CLVS1: variants seen among roughly 807,000 people sequenced by gnomAD.
The protein encoded by CLVS1 is clavesin-1.
Under a neutral mutation model 33.1 loss-of-function variants are expected in CLVS1, and 10 were observed. That is an observed-to-expected ratio of 0.30 (90% CI 0.19 to 0.51). CLVS1 has a LOEUF of 0.51. Ranked by LOEUF, CLVS1 falls within the 20% of genes least tolerant of loss-of-function variation. CLVS1 has a pLI of 0.97. For synonymous variants in CLVS1, 163 were observed against 166.1 expected, an observed-to-expected ratio of 0.98 and a Z score of 0.14; for missense variants, 343 against 433.4, an observed-to-expected ratio of 0.79 and a Z score of 1.85.
chr8:61,006,439 G>A, the CLVS1 span, among the ~76,000 whole-genome samples: 2 of 152,142 alleles, frequency 1.3e-5, no homozygotes, highest in African/African-American at 4.8e-5. Context: ...GCCCGAGGAG[G>A]AGGGAAGCAG....
the CLVS1 span, among the ~76,000 whole-genome samples, chr8:60,994,821 A>T: frequency 6.6e-6 from 1 of 152,174 alleles, no homozygotes. Context: ...AGAGATATAG[A>T]TCAATGGAAC....
chr8:61,482,551 C>A (rs151032499), intron 5 of CLVS1, among the ~76,000 whole-genome samples: 19 of 152,152 alleles, frequency 1.2e-4, no homozygotes, highest in Admixed American at 1.1e-3. Flanking sequence ...AAGAACTACA[C>A]GACACATGCA....
At chr8:61,108,925 G>A (rs965302518) in intron 1 of CLVS1, among the ~76,000 whole-genome samples, 1 of 152,242 alleles carries the variant, frequency 6.6e-6, no homozygotes, top group African/African-American at 2.4e-5. Flanking sequence ...CAGGACAACA[G>A]CTTTCCCTGC....
rs182263536 is a variant in CLVS1, at chr8:61,315,876, C to T, written c.455+15594C>T. ...GTATTTCTCCTAATGCTATCCCTCC[C>T]CTAGCCCCCAACTCCCCAATAGGCC... On this transcript the variant is annotated intron_variant, in intron 2 of 5. Coordinates refer to ENST00000325897, the MANE Select transcript of CLVS1 (RefSeq NM_173519.3). 6.8e-4 allele frequency among the ~76,000 whole-genome samples: 104 copies of T among 152,258 alleles called. 1 individual carries two copies. The highest frequency in any genetic ancestry group is 1.5e-3 in the Admixed American group (23 of 15,290).
chr8:61,325,783 T>C (rs916036487), intron 2 of CLVS1, among the ~76,000 whole-genome samples: 2 of 152,138 alleles, frequency 1.3e-5, no homozygotes, highest in Non-Finnish European at 2.9e-5. Context: ...AAACTGACTA[T>C]ATGAAAGAGT....
chr8:61,366,053 G>A (rs1813198402), intron 2 of CLVS1, among the ~76,000 whole-genome samples: 1 of 152,166 alleles, frequency 6.6e-6, no homozygotes, highest in African/African-American at 2.4e-5. Context: ...GAATAGACAA[G>A]CATGAAATTA....
At chr8:61,467,274 G>T (rs903863187) in intron 5 of CLVS1, among the ~76,000 whole-genome samples, 2 of 152,228 alleles carry the variant, frequency 1.3e-5, no homozygotes, top group Admixed American at 6.5e-5. Context: ...AAGTGATGGC[G>T]GGTGCCCTTG....
At position 61,500,864 on chromosome 8, in the gene CLVS1, A is replaced by ATAAT. The variant is rs767643456; in HGVS notation, c.*1324_*1327dup. On this transcript the variant is annotated 3_prime_UTR_variant, in exon 6 of 6. Transcript: ENST00000325897. ...TTGGGAGAGTTAATTTGTTAGCTAA[A>ATAAT]TAATTCAAGGGAAAGAGATTATTCA... The ATAAT allele has an allele frequency of 7.2e-5, 11 of 152,214 alleles. No individual in the cohort carries two copies. Among genetic ancestry groups the ATAAT allele is most frequent in the Non-Finnish European group, 1.3e-4 (9 of 68,032 alleles). The allele number at this position is 152,214 out of a possible 1,614,324, so 9.4% of individuals were successfully genotyped here. A position where few individuals can be genotyped will look rare whatever the true frequency, so the allele number is the denominator to read the frequency against.
intron 2 of CLVS1, among the ~76,000 whole-genome samples, chr8:61,312,764 C>G: frequency 6.6e-6 from 1 of 152,202 alleles, no homozygotes. Context: ...TATTTAATCT[C>G]GACAAAATCG....
At chr8:61,118,830 G>A (rs1039142088) in intron 1 of CLVS1, among the ~76,000 whole-genome samples, 6 of 152,142 alleles carry the variant, frequency 3.9e-5, no homozygotes, top group African/African-American at 1.2e-4. Context: ...GTGTGGTGCT[G>A]AAAAAAATGT....
intron 5 of CLVS1, among the ~76,000 whole-genome samples, chr8:61,475,973 A>G (rs1339932959): frequency 2.0e-5 from 3 of 152,142 alleles, no homozygotes; most frequent in Non-Finnish European, 4.4e-5. Flanking sequence ...TAATTTTTGT[A>G]TAAGGTGTAA....
chr8:61,157,443 A>T (rs1305493384), intron 2 of CLVS1, among the ~76,000 whole-genome samples: 1 of 152,214 alleles, frequency 6.6e-6, no homozygotes, highest in South Asian at 2.1e-4. Context: ...AGCTACTGGA[A>T]TAAAATATAG....
chr8:61,066,626 G>A (rs1804685946), intron 1 of CLVS1, among the ~76,000 whole-genome samples: 1 of 152,124 alleles, frequency 6.6e-6, no homozygotes, highest in Admixed American at 6.5e-5. Flanking sequence ...CAGTCCCTGG[G>A]GCATGAGCAT....
chr8:61,220,049 A>G (rs932654683), intron 2 of CLVS1, among the ~76,000 whole-genome samples: 1 of 151,814 alleles, frequency 6.6e-6, no homozygotes, highest in Non-Finnish European at 1.5e-5. Flanking sequence ...TGGATATTAG[A>G]CCTTTGTCAG....
the CLVS1 span, among the ~76,000 whole-genome samples, chr8:61,003,089 T>C: frequency 6.6e-6 from 1 of 152,160 alleles, no homozygotes; most frequent in African/African-American, 2.4e-5. Context: ...GAGAGCGGTT[T>C]CTGAGAAAAT....
chr8:60,985,584 G>A, the CLVS1 span, among the ~76,000 whole-genome samples: 2 of 152,110 alleles, frequency 1.3e-5, no homozygotes, highest in Non-Finnish European at 2.9e-5. Flanking sequence ...ATTCTCTGCT[G>A]AAACAGAGTA....
chr8:61,290,350 T>C (rs1464586964), intron 1 of CLVS1, among the ~76,000 whole-genome samples: 2 of 152,250 alleles, frequency 1.3e-5, no homozygotes, highest in Non-Finnish European at 2.9e-5. Flanking sequence ...ATCTTTTCTA[T>C]TGAGAGCTAT....
In CLVS1 at chr8:61,316,344, C is replaced by T. The variant is rs6983399; in HGVS notation, c.455+16062C>T. Among the ~76,000 whole-genome samples, 5 of 152,148 alleles carry T rather than the reference C, an allele frequency of 3.3e-5. 1 individual carries two copies. The highest frequency in any genetic ancestry group is 7.3e-5 in the Non-Finnish European group (5 of 68,034). Reference sequence around the variant, plus strand: ...ACATGAATCTGTTGAAATGTAGACACGTGCATTTGGTGGAAGAGGAGATAC... The same window carrying T: ...ACATGAATCTGTTGAAATGTAGACATGTGCATTTGGTGGAAGAGGAGATAC... On this transcript the variant is annotated intron_variant, in intron 2 of 5. Coordinates refer to ENST00000325897, the MANE Select transcript of CLVS1 (RefSeq NM_173519.3).
At chr8:61,142,176 A>T (rs1806319305) in intron 2 of CLVS1, among the ~76,000 whole-genome samples, 1 of 152,136 alleles carries the variant, frequency 6.6e-6, no homozygotes, top group Non-Finnish European at 1.5e-5. Flanking sequence ...AGATGATTGG[A>T]TCATGGGGGT....
Sources: allele counts gnomAD v4.1 joint callset (sites outside exome capture counted in the v4.1 genomes callset), GRCh38; gene constraint gnomAD v4.1.1; transcripts MANE v1.5; gene names NCBI Gene and HGNC (gene_info 2026-07-23, HGNC 2026-07-21).